The following NNT variants were observed in gnomAD, a reference collection of about 807,000 sequenced individuals.
NNT encodes nicotinamide nucleotide transhydrogenase.
Under a neutral mutation model 104.8 loss-of-function variants are expected in NNT, and 50 were observed. The observed-to-expected ratio is 0.48, with a 90% CI of 0.38 to 0.60. NNT has a LOEUF of 0.60. Among genes scored for constraint, NNT ranks in the 20% least tolerant of loss-of-function variants. The pLI, the probability that NNT is intolerant of heterozygous loss-of-function variation, is 0.00. For synonymous variants in NNT, 461 were observed against 490.4 expected, an observed-to-expected ratio of 0.94 and a Z score of 0.79; for missense variants, 1,131 against 1,330.7, an observed-to-expected ratio of 0.85 and a Z score of 2.33.
chr5:43,691,072 T>A (rs76974034), intron 19 of NNT, among the ~76,000 whole-genome samples: 1,917 of 55,310 alleles, frequency 0.035, 10 homozygotes, highest in South Asian at 0.065. Context: ...TTTGAGAGAG[T>A]GTGTGTGTGT....
chr5:43,649,990 A>T (rs1489048159), intron 11 of NNT, among the ~76,000 whole-genome samples: 1 of 152,216 alleles, frequency 6.6e-6, no homozygotes, highest in African/African-American at 2.4e-5. Context: ...AGCTTCGAGG[A>T]TCTCTGCAGG....
chr5:43,619,393 C>G (rs1268154418), intron 5 of NNT, among the ~76,000 whole-genome samples: 1 of 151,868 alleles, frequency 6.6e-6, no homozygotes, highest in African/African-American at 2.4e-5. Context: ...TTCTCTGTAG[C>G]CTATATATTA....
chr5:43,698,369 T>C (rs1181883289), intron 19 of NNT, among the ~76,000 whole-genome samples: 3 of 152,128 alleles, frequency 2.0e-5, no homozygotes, highest in Non-Finnish European at 4.4e-5. Context: ...ATTCTCTGCT[T>C]TCCTCTCATA....
At chr5:43,684,740 C>T (rs1050367149) in intron 19 of NNT, among the ~76,000 whole-genome samples, 14 of 151,906 alleles carry the variant, frequency 9.2e-5, no homozygotes, top group Non-Finnish European at 1.5e-4. Context: ...AAAAAAAAAC[C>T]TTTTCCTTGT....
At chr5:43,620,589 A>G (rs1212806589) in intron 5 of NNT, among the ~76,000 whole-genome samples, 1 of 152,218 alleles carries the variant, frequency 6.6e-6, no homozygotes, top group Non-Finnish European at 1.5e-5. Flanking sequence ...TCCTGGAAAA[A>G]AATTAAAACA....
intron 19 of NNT, among the ~76,000 whole-genome samples, chr5:43,679,963 ATCTT>A (rs764759850): frequency 6.6e-6 from 1 of 151,778 alleles, no homozygotes; most frequent in African/African-American, 2.4e-5. Context: ...ATTTATAGTC[ATCTT>A]TCTTTCATAT....
chr5:43,624,225 G>C lies in NNT; in HGVS notation c.776+105G>C. 10 of 907,536 alleles carry C rather than the reference G, an allele frequency of 1.1e-5. No individual in the cohort carries two copies. In the South Asian group the frequency reaches 1.4e-4, roughly 12 times the overall value. The allele number at this position is 907,536 out of a possible 1,614,324, so 56.2% of individuals were successfully genotyped here. A position where few individuals can be genotyped will look rare whatever the true frequency, so the allele number is the denominator to read the frequency against. On this transcript the variant is annotated intron_variant, in intron 6 of 21. Coordinates refer to ENST00000344920, the MANE Select transcript of NNT (RefSeq NM_182977.3). Reference sequence around the variant, plus strand: ...AAATTGAAGTAGCACATTGCAACTGGTCTATAAGCTCTTTCCATTTAAAAA... The same window carrying C: ...AAATTGAAGTAGCACATTGCAACTGCTCTATAAGCTCTTTCCATTTAAAAA...
rs747537578 is a variant in NNT, at chr5:43,653,018, A to G, written c.1864A>G (p.Ile622Val). ...ALYSGYNIEQ[I>V]MYLGSGLCCV... The stretch of plus-strand genomic sequence containing the variant: ...TCTCTCTCACTTTTCCTTTGAAAAG[A>G]TCATGTACCTAGGCTCGGGTTTGTG... The change falls in exon 14 of 22, where the codon ATC (isoleucine) becomes GTC (valine). Residue 622 changes from isoleucine (I) to valine (V), a missense_variant and splice_region_variant. By Grantham distance (29) the Ile-to-Val change is conservative (BLOSUM62 3). Coordinates refer to ENST00000344920, the MANE Select transcript of NNT (RefSeq NM_182977.3). 5 of 1,610,622 alleles carry G rather than the reference A, an allele frequency of 3.1e-6. No individual in the cohort carries two copies. Among genetic ancestry groups the G allele is most frequent in the East Asian group, 4.5e-5 (2 of 44,836 alleles).
intron 21 of NNT, among the ~76,000 whole-genome samples, chr5:43,703,398 A>T (rs972275332): frequency 2.6e-5 from 4 of 152,210 alleles, no homozygotes; most frequent in African/African-American, 9.6e-5. Context: ...TATTGTAAAT[A>T]TTGGAGTTTA....
At chr5:43,618,090 G>A (rs1315764977) in intron 4 of NNT, among the ~76,000 whole-genome samples, 1 of 152,132 alleles carries the variant, frequency 6.6e-6, no homozygotes, top group East Asian at 1.9e-4. Flanking sequence ...AATGAAATTA[G>A]TGTAGCATGT....
intron 19 of NNT, 45 bp from the exon 20 acceptor site, chr5:43,700,074 A>G (rs1368553247): frequency 6.8e-7 from 1 of 1,478,798 alleles, no homozygotes; most frequent in Non-Finnish European, 9.4e-7. Flanking sequence ...TCTGTACATT[A>G]TGTCCTGTCA....
At chr5:43,643,059 G>A (rs1271374873) in intron 7 of NNT, among the ~76,000 whole-genome samples, 3 of 152,152 alleles carry the variant, frequency 2.0e-5, no homozygotes, top group Non-Finnish European at 4.4e-5. Flanking sequence ...TGGGTGGTTA[G>A]GACTATAGGC....
At chr5:43,625,743 A>G (rs759140841) in intron 6 of NNT, among the ~76,000 whole-genome samples, 1 of 152,156 alleles carries the variant, frequency 6.6e-6, no homozygotes, top group Non-Finnish European at 1.5e-5. Flanking sequence ...CAAAGTTTAA[A>G]TATATAAAAT....
Position 43,655,959 on chromosome 5 carries a change from C to A in NNT, c.2179C>A (p.Pro727Thr), listed in dbSNP as rs1353890025. ...TCIAEYIIEY[P>T]HFATDAAANL... is the part of the protein sequence containing the mutation. ...CATAGCTGAGTACATTATAGAATAT[C>A]CACATTTTGCTACGGATGCAGCAGC... Residue 727 changes from proline to threonine, a missense_variant, in exon 15 of 22, where the codon CCA becomes ACA. Pro to Thr is a conservative substitution (Grantham distance 38). Coordinates refer to ENST00000344920, the MANE Select transcript of NNT (RefSeq NM_182977.3). 7 of 1,614,090 alleles carry A rather than the reference C, an allele frequency of 4.3e-6. No individual in the cohort carries two copies. In the South Asian group the frequency reaches 6.6e-5, roughly 15 times the overall value.
chr5:43,693,292 T>C (rs1742384673), intron 19 of NNT, among the ~76,000 whole-genome samples: 1 of 152,214 alleles, frequency 6.6e-6, no homozygotes, highest in South Asian at 2.1e-4. Context: ...ATTTTCTTTC[T>C]AAATCTATTT....
intron 2 of NNT, among the ~76,000 whole-genome samples, chr5:43,612,445 G>A (rs894260718): frequency 6.6e-6 from 1 of 152,142 alleles, no homozygotes; most frequent in Non-Finnish European, 1.5e-5. Flanking sequence ...TGGCCAAATT[G>A]CCTGGAAGGG....
intron 17 of NNT, among the ~76,000 whole-genome samples, chr5:43,672,187 T>G (rs1301338729): frequency 1.3e-5 from 2 of 152,196 alleles, no homozygotes; most frequent in Non-Finnish European, 2.9e-5. Context: ...CCATTCGTCT[T>G]AATATTTTTT....
intron 19 of NNT, among the ~76,000 whole-genome samples, chr5:43,685,875 G>C (rs1379664000): frequency 6.6e-6 from 1 of 152,092 alleles, no homozygotes; most frequent in Non-Finnish European, 1.5e-5. Context: ...TGTGGTATCT[G>C]AAATCTAATG....
intron 6 of NNT, among the ~76,000 whole-genome samples, chr5:43,627,319 C>G (rs1272102742): frequency 6.6e-6 from 1 of 152,172 alleles, no homozygotes; most frequent in African/African-American, 2.4e-5. Context: ...GATTTATTGG[C>G]TCAGATCACG....
Sources: allele counts gnomAD v4.1 joint callset (sites outside exome capture counted in the v4.1 genomes callset), GRCh38; gene constraint gnomAD v4.1.1; transcripts MANE v1.5; gene names NCBI Gene and HGNC (gene_info 2026-07-23, HGNC 2026-07-21).